ANKS1B: variants seen among roughly 807,000 people sequenced by gnomAD.
The protein encoded by ANKS1B is ankyrin repeat and sterile alpha motif domain-containing protein 1B.
ANKS1B carries 36 observed loss-of-function variants against 148.3 expected under a neutral mutation model. That is an observed-to-expected ratio of 0.24 (90% CI 0.19 to 0.32). The LOEUF (loss-of-function observed/expected upper bound fraction) is 0.32. Ranked by LOEUF, ANKS1B falls within the 10% of genes least tolerant of loss-of-function variation. The pLI is 1.00. For synonymous variants in ANKS1B, 542 were observed against 560.8 expected (o/e 0.97, Z 0.47); for missense variants, 1,157 against 1,542.6 (o/e 0.75, Z 4.19).
intron 12 of ANKS1B, among the ~76,000 whole-genome samples, chr12:99,353,247 T>A (rs1157949444): frequency 6.6e-6 from 1 of 152,054 alleles, no homozygotes; most frequent in East Asian, 1.9e-4. Flanking sequence ...GATGAATCTC[T>A]TATCTCCCTT....
At chr12:98,852,750 C>A (rs552596594) in intron 17 of ANKS1B, among the ~76,000 whole-genome samples, 1 of 152,004 alleles carries the variant, frequency 6.6e-6, no homozygotes, top group African/African-American at 2.4e-5. Context: ...TGAGCTTTTT[C>A]CCCCCCTCCA....
exon 10 of ANKS1B, chr12:98,735,451 T>G: frequency 6.5e-6 from 3 of 464,218 alleles, no homozygotes; most frequent in Non-Finnish European, 1.2e-5. Flanking sequence ...ATTGTTTCAT[T>G]CTTTGCTTGT....
rs190497276 is a variant in ANKS1B at position 99,702,586 on chromosome 12, A to G, written c.1129-47376T>C. ...GAGACAGCGTCTTGCTCTATCGCTC[A>G]GGCTGGAGTGTAGTGGTACAATTAT... is the stretch of plus-strand genomic sequence containing the variant. On this transcript the variant is annotated intron_variant, in intron 8 of 26. Coordinates refer to ENST00000683438, the MANE Select transcript of ANKS1B (RefSeq NM_001352186.2). 1.5e-3 allele frequency among the ~76,000 whole-genome samples: 233 copies of G among 152,152 alleles called. 1 individual carries two copies. Among genetic ancestry groups the G allele is most frequent in the African/African-American group, 5.6e-3 (231 of 41,514 alleles).
intron 17 of ANKS1B, among the ~76,000 whole-genome samples, chr12:98,888,852 T>C (rs1018757121): frequency 6.6e-6 from 1 of 152,222 alleles, no homozygotes; most frequent in African/African-American, 2.4e-5. Flanking sequence ...TCTCCATTTA[T>C]TTATTTACTT....
intron 10 of ANKS1B, among the ~76,000 whole-genome samples, chr12:99,498,675 G>A (rs1427395568): frequency 3.3e-5 from 5 of 152,058 alleles, no homozygotes; most frequent in Non-Finnish European, 5.9e-5. Context: ...TTAGCACAAT[G>A]CCTAGAACAT....
intron 9 of ANKS1B, among the ~76,000 whole-genome samples, chr12:99,603,432 T>C (rs537117412): frequency 6.6e-5 from 10 of 152,186 alleles, no homozygotes; most frequent in African/African-American, 2.4e-4. Context: ...TGAACTTTGT[T>C]CAAGAAACCA....
At chr12:99,010,901 G>GTTTTTT (rs1309326368) in intron 17 of ANKS1B, among the ~76,000 whole-genome samples, 2 of 51,304 alleles carry the variant, frequency 3.9e-5, no homozygotes, top group Non-Finnish European at 7.5e-5. Flanking sequence ...GTGAGCTTTT[G>GTTTTTT]TTTTTTTTTT....
intron 16 of ANKS1B, among the ~76,000 whole-genome samples, chr12:99,069,872 G>T (rs1466994191): frequency 6.6e-6 from 1 of 152,154 alleles, no homozygotes; most frequent in African/African-American, 2.4e-5. Context: ...TCCAGTAATA[G>T]GAAGTAGAGG....
chr12:98,875,815 G>C (rs1444207287), intron 17 of ANKS1B, among the ~76,000 whole-genome samples: 1 of 152,108 alleles, frequency 6.6e-6, no homozygotes, highest in Non-Finnish European at 1.5e-5. Context: ...CATTGGTTTT[G>C]TGGGCAGCAT....
At chr12:99,047,920 ATGGT>A (rs2099963546) in intron 17 of ANKS1B, among the ~76,000 whole-genome samples, 1 of 152,186 alleles carries the variant, frequency 6.6e-6, no homozygotes, top group African/African-American at 2.4e-5. Flanking sequence ...TGTGACCTGT[ATGGT>A]TACACAAGGT....
At chr12:98,833,493 C>G (rs2099342605) in intron 17 of ANKS1B, among the ~76,000 whole-genome samples, 1 of 152,134 alleles carries the variant, frequency 6.6e-6, no homozygotes, top group African/African-American at 2.4e-5. Flanking sequence ...AAGTCGTTAT[C>G]CCATGTGTAC....
intron 19 of ANKS1B, among the ~76,000 whole-genome samples, chr12:98,826,686 T>C (rs1469480407): frequency 6.6e-6 from 1 of 152,224 alleles, no homozygotes; most frequent in African/African-American, 2.4e-5. Context: ...TTTTGCATTT[T>C]AGTGGGAAAT....
intron 17 of ANKS1B, among the ~76,000 whole-genome samples, chr12:99,047,349 G>A (rs1170949611): frequency 6.6e-6 from 1 of 152,178 alleles, no homozygotes; most frequent in Non-Finnish European, 1.5e-5. Flanking sequence ...GCAGTGAGCT[G>A]AGATTGTGCC....
chr12:99,498,849 C>T (rs2096629069), intron 10 of ANKS1B, among the ~76,000 whole-genome samples: 1 of 152,148 alleles, frequency 6.6e-6, no homozygotes, highest in African/African-American at 2.4e-5. Context: ...AAAGGGAATA[C>T]ATCAGTAACT....
At chr12:99,102,908 G>A (rs930884761) in intron 15 of ANKS1B, among the ~76,000 whole-genome samples, 2 of 152,036 alleles carry the variant, frequency 1.3e-5, no homozygotes, top group African/African-American at 4.8e-5. Context: ...CAACCTAGGC[G>A]ACCGATAGAT....
At chr12:99,905,879 T>A (rs889046771) in intron 1 of ANKS1B, among the ~76,000 whole-genome samples, 1 of 152,168 alleles carries the variant, frequency 6.6e-6, no homozygotes, top group African/African-American at 2.4e-5. Flanking sequence ...ATAAGGTAGA[T>A]GGGGTTAGGA....
At chr12:99,905,040 A>G (rs972348828) in intron 1 of ANKS1B, among the ~76,000 whole-genome samples, 1 of 152,226 alleles carries the variant, frequency 6.6e-6, no homozygotes, top group African/African-American at 2.4e-5. Flanking sequence ...TTCCAATATG[A>G]TATCTAAAAT....
At chr12:98,916,243 A>G (rs1419552622) in intron 17 of ANKS1B, among the ~76,000 whole-genome samples, 3 of 152,244 alleles carry the variant, frequency 2.0e-5, no homozygotes, top group Admixed American at 6.5e-5. Flanking sequence ...AGAACAGACA[A>G]TTGGCTAAGA....
chr12:98,806,651 G>GT (rs2099053259), intron 20 of ANKS1B, among the ~76,000 whole-genome samples: 1 of 152,196 alleles, frequency 6.6e-6, no homozygotes, highest in South Asian at 2.1e-4. Context: ...GAAAGTGAAT[G>GT]TAAGGAAAAG....
Sources: gnomAD v4.1 joint callset for allele counts (sites outside exome capture counted in the v4.1 genomes callset) on GRCh38, gnomAD v4.1.1 for gene constraint, MANE v1.5 for transcripts, NCBI Gene and HGNC (gene_info 2026-07-23, HGNC 2026-07-21) for gene names.